Variants in HEATR5B observed in about 807,000 individuals in gnomAD.
The protein encoded by HEATR5B is HEAT repeat containing 5B.
HEATR5B carries 156 observed loss-of-function variants against 224.1 expected under a neutral mutation model. The observed-to-expected ratio is 0.70, with a 90% CI of 0.61 to 0.80. The LOEUF is 0.80. HEATR5B is among the 30% of genes least tolerant of loss of function. HEATR5B has a pLI of 0.00. For synonymous variants in HEATR5B, 1,027 were observed against 893.0 expected (o/e 1.15, Z -2.68); for missense variants, 2,323 against 2,535.5 (o/e 0.92, Z 1.80).
At chr2:37,076,654 G>GAAAAAAAAAAAAAA (rs11464053) in intron 4 of HEATR5B, among the ~76,000 whole-genome samples, 2 of 144,084 alleles carry the variant, frequency 1.4e-5, no homozygotes, top group South Asian at 2.1e-4. Flanking sequence ...CCAAAAAAAA[G>GAAAAAAAAAAAAAA]AAAAAAAAAA....
At chr2:37,016,873 A>C (rs1328415727) in intron 26 of HEATR5B, among the ~76,000 whole-genome samples, 1 of 152,208 alleles carries the variant, frequency 6.6e-6, no homozygotes, top group Non-Finnish European at 1.5e-5. Context: ...CCAATTAAGG[A>C]GATACTGATG....
chr2:37,064,832 G>T lies in HEATR5B; in HGVS notation c.1492C>A (p.Pro498Thr). ...AERLNNLKTS[P>T]EAVSGYSFAM... ...AAACTATATCCACTGACAGCTTCTG[G>T]TGAGGTCTTCAAGTTGTTGAGCCGT... Residue 498 changes from proline to threonine, a missense_variant, in exon 10 of 36, where the codon CCA becomes ACA. This residue lies in a region of HEATR5B where 502 missense variants were observed against 517.8 expected (regional missense o/e 0.97). Transcript: ENST00000233099. 1 of 1,614,054 alleles carries T rather than the reference G, an allele frequency of 6.2e-7. No homozygotes were observed. The highest frequency in any genetic ancestry group is 8.5e-7 in the Non-Finnish European group (1 of 1,179,998).
At chr2:37,017,347 C>T (rs1181382952) in intron 26 of HEATR5B, among the ~76,000 whole-genome samples, 1 of 147,924 alleles carries the variant, frequency 6.8e-6, no homozygotes, top group African/African-American at 2.6e-5. Flanking sequence ...GAGCTGAGAT[C>T]ATGCCACTGC....
At position 36,981,806 on chromosome 2, in the gene HEATR5B, A is replaced by T; in HGVS notation, c.5912-12T>A. The stretch of plus-strand genomic sequence containing the variant: ...AAGTAGCTGGACTCCTGTAAATAAT[A>T]AAGTATGAAAAAAGATCACAAACAT... On this transcript the variant is annotated splice_polypyrimidine_tract_variant and intron_variant, in intron 35 of 35. Transcript: ENST00000233099. 6.4e-7 allele frequency: 1 copy of T among 1,557,898 alleles called. No homozygotes were observed. The highest frequency in any genetic ancestry group is 8.7e-7 in the Non-Finnish European group (1 of 1,150,606).
rs764635473 is a variant in HEATR5B at position 37,007,267 on chromosome 2, A to T, written c.4560T>A (p.Ala1520=). The change falls in exon 29 of 36, where the codon GCT becomes GCA. Residue 1520 remains alanine, a synonymous_variant. Transcript: ENST00000233099. ...CCCAGGAATTCCGATAGTGAAGTCT[A>T]GCTGTATCAATAGTTTCAGGGGTAT... ...AFYTPETIDT[A]RLHYRNSWAP... is the part of the protein sequence containing the mutation. 2 of 1,613,620 alleles carry T rather than the reference A, an allele frequency of 1.2e-6. No homozygotes were observed. The highest frequency in any genetic ancestry group is 1.1e-5 in the South Asian group (1 of 91,068).
chr2:37,058,454 C>A lies in HEATR5B; in HGVS notation c.2056G>T (p.Glu686Ter). The A allele has an allele frequency of 6.3e-7, 1 of 1,589,616 alleles. No individual in the cohort carries two copies. The highest frequency in any genetic ancestry group is 8.6e-7 in the Non-Finnish European group (1 of 1,158,514). ...ATACCACAAATTTTTAATTTACCTT[C>A]ATAAGTTTTTGGAGGTAACAAAGCC... is the stretch of plus-strand genomic sequence containing the variant. ...ILALLPPKTYEGSFNALLREL... is the reference protein window; with the variant it reads ...ILALLPPKTY The change falls in exon 14 of 36, where the codon GAA becomes TAA. Residue 686 changes from glutamate (E) to a stop codon, truncating the protein, a stop_gained. Transcript: ENST00000233099. LOFTEE classifies it high-confidence loss of function.
chr2:37,014,703 G>T (rs767192321), intron 26 of HEATR5B, among the ~76,000 whole-genome samples: 37 of 151,542 alleles, frequency 2.4e-4, no homozygotes, highest in Admixed American at 9.2e-4. Flanking sequence ...AAGAGGCTGG[G>T]CGCAGTGGCT....
chr2:37,028,560 AG>A, intron 23 of HEATR5B, 120 bp downstream of exon 23: 1 of 714,228 alleles, frequency 1.4e-6, no homozygotes, highest in Non-Finnish European at 2.1e-6. Flanking sequence ...GTAGATCAAA[AG>A]TTATTACTTT....
At chr2:36,992,847 C>T (rs928803296) in intron 33 of HEATR5B, among the ~76,000 whole-genome samples, 11 of 152,028 alleles carry the variant, frequency 7.2e-5, no homozygotes, top group Admixed American at 4.6e-4. Flanking sequence ...ACCTCAGCCG[C>T]CCGAGGAGGT....
chr2:37,008,325 T>C (rs1667561640), intron 28 of HEATR5B: 1 of 456,086 alleles, frequency 2.2e-6, no homozygotes. Flanking sequence ...TCTATGGTTA[T>C]GCATAATGAC....
At chr2:37,025,268 T>A (rs1193194855) in intron 24 of HEATR5B, among the ~76,000 whole-genome samples, 2 of 151,748 alleles carry the variant, frequency 1.3e-5, no homozygotes, top group Admixed American at 1.3e-4. Context: ...AGATGGGAAA[T>A]ACATGAACAA....
chr2:37,032,746 GTAACAAA>G lies in HEATR5B; in HGVS notation c.3237_3243del (p.Leu1080PhefsTer25). 6.2e-7 allele frequency: 1 copy of G among 1,613,872 alleles called. No homozygotes were observed. Among genetic ancestry groups the G allele is most frequent in the African/African-American group, 1.3e-5 (1 of 75,002 alleles). On this transcript the variant is annotated frameshift_variant, in exon 22 of 36. Coordinates refer to ENST00000233099, the MANE Select transcript of HEATR5B (RefSeq NM_019024.3). LOFTEE classifies it high-confidence loss of function. Reference sequence around the variant, plus strand: ...AGACATGCCACAGCTGCTCGTCGAAGTAACAAATGGGAACTACATAAGTGAACCTGTA... The same window carrying G: ...AGACATGCCACAGCTGCTCGTCGAAGTGGGAACTACATAAGTGAACCTGTA...
At chr2:37,076,845 T>C (rs1295858942) in intron 4 of HEATR5B, 66 bp downstream of exon 4, 4 of 1,203,134 alleles carry the variant, frequency 3.3e-6, no homozygotes, top group Non-Finnish European at 4.9e-6. Flanking sequence ...GAAACAAACA[T>C]ATTTTAGCTG....
At chr2:37,067,166 G>A (rs1406080902) in intron 8 of HEATR5B, among the ~76,000 whole-genome samples, 2 of 152,104 alleles carry the variant, frequency 1.3e-5, no homozygotes, top group Non-Finnish European at 2.9e-5. Context: ...GAGCTACCAT[G>A]CCTGGCCAAA....
intron 16 of HEATR5B, among the ~76,000 whole-genome samples, chr2:37,054,507 T>C (rs1386743445): frequency 8.1e-4 from 62 of 76,970 alleles, no homozygotes; most frequent in African/African-American, 3.1e-3. Flanking sequence ...TTTTTGAGAC[T>C]GAGTTTCGCT....
intron 3 of HEATR5B, among the ~76,000 whole-genome samples, chr2:37,078,907 T>C (rs1270795425): frequency 6.6e-6 from 1 of 152,238 alleles, no homozygotes; most frequent in Non-Finnish European, 1.5e-5. Context: ...TATTTTACAC[T>C]GTCATTTGGA....
In HEATR5B at chr2:36,988,765, A is replaced by G. The variant is rs1312906198; in HGVS notation, c.5792T>C (p.Val1931Ala). 2 of 1,614,046 alleles carry G rather than the reference A, an allele frequency of 1.2e-6. No homozygotes were observed. Among genetic ancestry groups the G allele is most frequent in the Non-Finnish European group, 1.7e-6 (2 of 1,179,972 alleles). Residue 1931 changes from valine to alanine, a missense_variant, in exon 35 of 36, where the codon GTG (valine) becomes GCG (alanine). By Grantham distance (64) the Val-to-Ala change is moderately conservative. Around this residue, in one of 12 missense-constraint regions of HEATR5B, gnomAD observed 844 missense variants for 812.9 expected, o/e 1.04. Coordinates refer to ENST00000233099, the MANE Select transcript of HEATR5B (RefSeq NM_019024.3). ...TPYIHSLAPI[V>A]VEKLKAVERN... ...TTCAACAGCTTTTAGCTTTTCAACC[A>G]CTATTGGAGCTAATGAATGAATATA...
chr2:37,065,739 T>A lies in HEATR5B; in HGVS notation c.1333+16A>T. ...AAAAGTGGAAACACATACTAGCAAG[T>A]AACTGAATGTCATACCTATAGATGC... On this transcript the variant is annotated intron_variant, in intron 9 of 35. Coordinates refer to ENST00000233099, the MANE Select transcript of HEATR5B (RefSeq NM_019024.3). 6.3e-7 allele frequency: 1 copy of A among 1,598,896 alleles called. No individual in the cohort carries two copies. Among genetic ancestry groups the A allele is most frequent in the Non-Finnish European group, 8.5e-7 (1 of 1,171,060 alleles).
intron 35 of HEATR5B, 85 bp from the exon 36 acceptor site, chr2:36,981,879 G>A: frequency 1.0e-6 from 1 of 969,722 alleles, no homozygotes. Context: ...ATGGAAGACT[G>A]AACATAATAA....
Sources: gnomAD v4.1 joint callset for allele counts (sites outside exome capture counted in the v4.1 genomes callset) on GRCh38, gnomAD v4.1.1 for gene constraint, gnomAD v4.1.1 regional missense constraint, MANE v1.5 for transcripts, NCBI Gene and HGNC (gene_info 2026-07-23, HGNC 2026-07-21) for gene names.